Variants in CSMD1 observed in about 807,000 individuals in gnomAD.
CSMD1 encodes the protein CUB and Sushi multiple domains 1.
Under a neutral mutation model 417.5 loss-of-function variants are expected in CSMD1, and 213 were observed. The ratio of observed to expected loss-of-function variants is 0.51; its 90% confidence interval spans 0.46 to 0.57. The LOEUF (loss-of-function observed/expected upper bound fraction) is 0.57, where lower values mean the gene tolerates loss of function less well. Among genes scored for constraint, CSMD1 ranks in the 20% least tolerant of loss-of-function variants. The probability of loss-of-function intolerance (pLI) is 0.00; values close to 1 mark genes in which losing one functional copy is unlikely to be tolerated. For synonymous variants in CSMD1, 2,862 were observed against 1,736.8 expected (o/e 1.65, Z -16.11); for missense variants, 6,923 against 4,529.7 (o/e 1.53, Z -15.17).
rs1446376779 is a variant in CSMD1 at position 3,927,155 on chromosome 8, CAT to C, written c.818+70746_818+70747del. Among the ~76,000 whole-genome samples, 6 of 151,872 alleles carry C rather than the reference CAT, an allele frequency of 4.0e-5. No individual in the cohort carries two copies. In the East Asian group the frequency reaches 7.7e-4, roughly 20 times the overall value. ...TATTATAAATAAAAGATAGGGTTGTCATAAAGTTTTGAAGCTATAATTTATTA... is the reference window on the plus strand; with the variant it reads ...TATTATAAATAAAAGATAGGGTTGTCAAAGTTTTGAAGCTATAATTTATTA... On this transcript the variant is annotated intron_variant, in intron 5 of 69. Transcript: ENST00000635120.
intron 1 of CSMD1, among the ~76,000 whole-genome samples, chr8:4,943,875 G>C (rs909438297): frequency 2.0e-5 from 3 of 152,180 alleles, no homozygotes; most frequent in Admixed American, 2.0e-4. Flanking sequence ...AAGTGTAAGA[G>C]CCCAAAACGC....
chr8:3,872,417 T>G (rs768759039), intron 5 of CSMD1, among the ~76,000 whole-genome samples: 1 of 152,146 alleles, frequency 6.6e-6, no homozygotes. Flanking sequence ...CTTCCTGAAG[T>G]GTCCAGTTAA....
At chr8:4,013,469 A>G (rs545018889) in intron 4 of CSMD1, among the ~76,000 whole-genome samples, 2 of 152,200 alleles carry the variant, frequency 1.3e-5, no homozygotes, top group African/African-American at 2.4e-5. Context: ...AGGACATGGG[A>G]TCTTAGGTGA....
At chr8:4,408,412 T>C (rs1053366737) in intron 3 of CSMD1, among the ~76,000 whole-genome samples, 1 of 152,234 alleles carries the variant, frequency 6.6e-6, no homozygotes, top group Non-Finnish European at 1.5e-5. Context: ...GGATTCTCCA[T>C]TGATCAGGTT....
chr8:4,005,630 G>A (rs1027663923), intron 4 of CSMD1, among the ~76,000 whole-genome samples: 7 of 152,224 alleles, frequency 4.6e-5, no homozygotes, highest in Non-Finnish European at 1.0e-4. Context: ...TCAATTGAGA[G>A]AACATAGGGT....
intron 2 of CSMD1, among the ~76,000 whole-genome samples, chr8:4,533,234 G>T (rs1414769038): frequency 1.3e-5 from 2 of 152,184 alleles, no homozygotes; most frequent in African/African-American, 4.8e-5. Context: ...GCTCAGTGGT[G>T]CTCCAAGAAG....
chr8:4,767,329 C>G (rs1382609996), intron 1 of CSMD1, among the ~76,000 whole-genome samples: 1 of 152,166 alleles, frequency 6.6e-6, no homozygotes, highest in Non-Finnish European at 1.5e-5. Context: ...CATTTATTTT[C>G]AAATGTAGAG....
chr8:4,922,153 T>A (rs1806540128), intron 1 of CSMD1, among the ~76,000 whole-genome samples: 1 of 151,914 alleles, frequency 6.6e-6, no homozygotes, highest in African/African-American at 2.4e-5. Flanking sequence ...CCCACCAGAG[T>A]AAATTCTAGA....
At chr8:4,080,652 C>A (rs1204684512) in intron 3 of CSMD1, among the ~76,000 whole-genome samples, 1 of 152,070 alleles carries the variant, frequency 6.6e-6, no homozygotes, top group East Asian at 1.9e-4. Context: ...ATTAGCACGA[C>A]AAGACAAAAG....
chr8:3,479,476 C>T (rs992137909), intron 11 of CSMD1, among the ~76,000 whole-genome samples: 6 of 152,072 alleles, frequency 3.9e-5, no homozygotes, highest in Non-Finnish European at 5.9e-5. Flanking sequence ...TATGGGGTTT[C>T]TCCGTATTGG....
Position 4,144,804 on chromosome 8 carries a change from A to G in CSMD1, c.416-112705T>C, listed in dbSNP as rs1052709262. On this transcript the variant is annotated intron_variant, in intron 3 of 69. Coordinates refer to ENST00000635120, the MANE Select transcript of CSMD1 (RefSeq NM_033225.6). ...TTACCAGGTTGTCAGTAAGAGTTGC[A>G]TCACCAAAAAGCAACATTCGCAATC... Among the ~76,000 whole-genome samples, 4 of 151,052 alleles carry G rather than the reference A, an allele frequency of 2.6e-5. 1 individual carries two copies. The highest frequency in any genetic ancestry group is 1.3e-4 in the Admixed American group (2 of 15,214).
intron 2 of CSMD1, among the ~76,000 whole-genome samples, chr8:4,446,574 G>C (rs1331451276): frequency 6.6e-6 from 1 of 152,126 alleles, no homozygotes; most frequent in Non-Finnish European, 1.5e-5. Flanking sequence ...TTGTGGGGAA[G>C]ATGGAGTCTC....
intron 3 of CSMD1, among the ~76,000 whole-genome samples, chr8:4,058,727 A>G (rs199889592): frequency 0.11 from 15,074 of 135,686 alleles, 1,228 homozygotes; most frequent in East Asian, 0.32. Context: ...GGATCAATTC[A>G]ACAAGAAGAG....
rs1430034556 is a variant in CSMD1 at position 3,692,607 on chromosome 8, ATTT to A, written c.1009+15804_1009+15806del. ...GTCACCACACACAGCTAATTTTTGT[ATTT>A]TTCGTAGAGGTGGGGTTTCACCATG... is the stretch of plus-strand genomic sequence containing the variant. On this transcript the variant is annotated intron_variant, in intron 7 of 69. Coordinates refer to ENST00000635120, the MANE Select transcript of CSMD1 (RefSeq NM_033225.6). Among the ~76,000 whole-genome samples, 11 of 151,948 alleles carry A rather than the reference ATTT, an allele frequency of 7.2e-5. No homozygotes were observed. In the East Asian group the frequency reaches 2.1e-3, roughly 30 times the overall value.
intron 3 of CSMD1, among the ~76,000 whole-genome samples, chr8:4,402,905 C>T (rs1029737254): frequency 2.0e-5 from 3 of 148,712 alleles, no homozygotes; most frequent in Admixed American, 6.8e-5. Flanking sequence ...CTGCCAGCTC[C>T]GCCTCCTGGG....
chr8:3,699,058 A>G (rs1011029871), intron 7 of CSMD1, among the ~76,000 whole-genome samples: 3 of 152,196 alleles, frequency 2.0e-5, no homozygotes, highest in African/African-American at 7.2e-5. Context: ...AGCACTCTGC[A>G]GAAAGGCAGC....
At chr8:4,166,048 C>T (rs943929406) in intron 3 of CSMD1, among the ~76,000 whole-genome samples, 5 of 152,182 alleles carry the variant, frequency 3.3e-5, no homozygotes. Context: ...TACATGCTCA[C>T]ACTTTAATAA....
At chr8:4,396,921 G>C (rs1447191187) in intron 3 of CSMD1, among the ~76,000 whole-genome samples, 1 of 151,990 alleles carries the variant, frequency 6.6e-6, no homozygotes, top group African/African-American at 2.4e-5. Flanking sequence ...ACTACACCTT[G>C]GGTACAAGGT....
intron 41 of CSMD1, among the ~76,000 whole-genome samples, chr8:3,122,576 G>T (rs1419346232): frequency 6.6e-6 from 1 of 152,140 alleles, no homozygotes; most frequent in African/African-American, 2.4e-5. Flanking sequence ...GGGACCCAGG[G>T]GAGGTAATTG....
Sources: allele counts gnomAD v4.1 joint callset (sites outside exome capture counted in the v4.1 genomes callset), GRCh38; gene constraint gnomAD v4.1.1; transcripts MANE v1.5; gene names NCBI Gene and HGNC (gene_info 2026-07-23, HGNC 2026-07-21).